DENND1B: variants seen among roughly 807,000 people sequenced by gnomAD.
The protein encoded by DENND1B is DENN domain containing 1B.
A neutral mutation model predicts 90.1 loss-of-function variants in DENND1B; 59 were observed. That is an observed-to-expected ratio of 0.65 (90% CI 0.53 to 0.81). DENND1B has a LOEUF of 0.81. Ranked by LOEUF, DENND1B falls within the 40% of genes least tolerant of loss-of-function variation. The probability of loss-of-function intolerance (pLI) is 0.00; values close to 1 mark genes in which losing one functional copy is unlikely to be tolerated. For synonymous variants in DENND1B, 337 were observed against 324.6 expected (o/e 1.04, Z -0.41); for missense variants, 862 against 912.6 (o/e 0.94, Z 0.71).
At chr1:197,641,263 C>G (rs929539711) in intron 10 of DENND1B, among the ~76,000 whole-genome samples, 6 of 151,936 alleles carry the variant, frequency 3.9e-5, no homozygotes, top group African/African-American at 1.5e-4. Context: ...TAAAAATATC[C>G]TTTTTAATCT....
chr1:197,624,117 C>T (rs1203920391), intron 10 of DENND1B, among the ~76,000 whole-genome samples: 1 of 151,518 alleles, frequency 6.6e-6, no homozygotes, highest in African/African-American at 2.4e-5. Context: ...GAATAGTCAA[C>T]ACAATTCTGA....
At chr1:197,585,503 T>C (rs189922967) in intron 14 of DENND1B, among the ~76,000 whole-genome samples, 3 of 152,336 alleles carry the variant, frequency 2.0e-5, no homozygotes, top group Admixed American at 2.0e-4. Context: ...TTAGCCTATG[T>C]GAATTAAGCT....
At chr1:197,622,624 C>G (rs1678275571) in intron 10 of DENND1B, among the ~76,000 whole-genome samples, 1 of 151,292 alleles carries the variant, frequency 6.6e-6, no homozygotes, top group Non-Finnish European at 1.5e-5. Flanking sequence ...CAAAACTTTC[C>G]TCAGGCAACA....
intron 10 of DENND1B, among the ~76,000 whole-genome samples, chr1:197,635,172 T>G (rs1679674264): frequency 6.6e-6 from 1 of 152,220 alleles, no homozygotes; most frequent in Admixed American, 6.5e-5. Flanking sequence ...AGATACACTT[T>G]CTACTCTGGC....
In DENND1B at chr1:197,622,544, G is replaced by A. The variant is rs369517648; in HGVS notation, c.673-4785C>T. ...ATTGTATAATAGAGAATGCATCTTT[G>A]GACCGGACAATCAAACAAGAGCCAT... On this transcript the variant is annotated intron_variant, in intron 10 of 22. Transcript: ENST00000620048. Among the ~76,000 whole-genome samples, 136 of 151,480 alleles carry A rather than the reference G, an allele frequency of 9.0e-4. 1 individual carries two copies. The highest frequency in any genetic ancestry group is 3.0e-3 in the African/African-American group (124 of 41,438).
intron 3 of DENND1B, among the ~76,000 whole-genome samples, chr1:197,679,225 A>G (rs1251497120): frequency 6.6e-6 from 1 of 151,906 alleles, no homozygotes; most frequent in African/African-American, 2.4e-5. Flanking sequence ...AACCTATGCA[A>G]TCACTTTAGT....
upstream of DENND1B, among the ~76,000 whole-genome samples, chr1:197,778,458 T>A (rs1160437337): frequency 1.3e-5 from 2 of 152,152 alleles, no homozygotes; most frequent in East Asian, 3.9e-4. Flanking sequence ...GTAGATTAGT[T>A]GAGGCCAGGA....
intron 2 of DENND1B, among the ~76,000 whole-genome samples, chr1:197,760,248 T>C (rs1277381750): frequency 6.6e-6 from 1 of 152,110 alleles, no homozygotes; most frequent in Non-Finnish European, 1.5e-5. Context: ...TGATGCAAGG[T>C]TTCAGGTAGA....
At chr1:197,772,805 G>C (rs1267821123) in intron 2 of DENND1B, 63 bp downstream of exon 2, 5 of 1,404,368 alleles carry the variant, frequency 3.6e-6, no homozygotes, top group African/African-American at 1.4e-5. Context: ...CTGAGGAACA[G>C]AATGAGATCT....
At chr1:197,579,419 T>A (rs1003505539) in intron 15 of DENND1B, among the ~76,000 whole-genome samples, 1 of 152,182 alleles carries the variant, frequency 6.6e-6, no homozygotes, top group Non-Finnish European at 1.5e-5. Flanking sequence ...TTGAAGGTAA[T>A]CTTTTTTCTC....
chr1:197,564,395 C>CAAAAAAAAAAAAA lies in DENND1B; in HGVS notation c.1150-11296_1150-11284dup, dbSNP rs71131780. Among the ~76,000 whole-genome samples the CAAAAAAAAAAAAA allele has an allele frequency of 7.9e-5, 5 of 63,154 alleles. 1 individual carries two copies. The highest frequency in any genetic ancestry group is 8.2e-5 in the Non-Finnish European group (3 of 36,732). 41.4% of individuals were successfully genotyped at this position (63,154 alleles called of 152,430 possible). On this transcript the variant is annotated intron_variant, in intron 15 of 22. Transcript: ENST00000620048. ...ATACTGAGGCAAGAACCTCCACCAG[C>CAAAAAAAAAAAAA]AAAAAAAAAAAAAAAAAAAAAAAAA...
chr1:197,745,421 G>A (rs1246841723), intron 2 of DENND1B, among the ~76,000 whole-genome samples: 3 of 151,980 alleles, frequency 2.0e-5, no homozygotes, highest in African/African-American at 7.2e-5. Context: ...ATGTTGTTGT[G>A]TCTCAGGGAA....
At chr1:197,734,730 C>T (rs1662476214) in intron 2 of DENND1B, 1 of 983,642 alleles carries the variant, frequency 1.0e-6, no homozygotes, top group Middle Eastern at 5.2e-4. Flanking sequence ...TTAAAGAATA[C>T]ATCATTTGTT....
chr1:197,641,064 T>A (rs1680230546), intron 10 of DENND1B, among the ~76,000 whole-genome samples: 1 of 152,250 alleles, frequency 6.6e-6, no homozygotes, highest in Non-Finnish European at 1.5e-5. Context: ...CCCTAGCTAA[T>A]AAATAATTGC....
intron 20 of DENND1B, among the ~76,000 whole-genome samples, chr1:197,518,617 G>T (rs1668563922): frequency 6.6e-6 from 1 of 151,862 alleles, no homozygotes; most frequent in African/African-American, 2.4e-5. Flanking sequence ...GACTATATAG[G>T]CTCAATCTGA....
intron 15 of DENND1B, among the ~76,000 whole-genome samples, chr1:197,565,328 G>A (rs1322039593): frequency 6.6e-6 from 1 of 151,946 alleles, no homozygotes; most frequent in Admixed American, 6.6e-5. Flanking sequence ...GTAGATCACA[G>A]CACAAAACAG....
intron 12 of DENND1B, among the ~76,000 whole-genome samples, chr1:197,609,488 C>G (rs1676992608): frequency 6.6e-6 from 1 of 150,502 alleles, no homozygotes; most frequent in Admixed American, 6.6e-5. Context: ...TGAGTTCATC[C>G]CCAAAGTCTA....
At chr1:197,516,372 A>C (rs1368194582) in intron 20 of DENND1B, among the ~76,000 whole-genome samples, 2 of 151,830 alleles carry the variant, frequency 1.3e-5, no homozygotes, top group African/African-American at 4.8e-5. Flanking sequence ...CAGGTGATAG[A>C]ATATGTCAAT....
intron 16 of DENND1B, among the ~76,000 whole-genome samples, chr1:197,551,143 T>C (rs10801614): frequency 0.8 from 121,043 of 151,600 alleles, 48,469 homozygotes; most frequent in South Asian, 0.87. Context: ...TTCTAATTAA[T>C]AGTTAGAACA....
Sources: allele counts gnomAD v4.1 joint callset (sites outside exome capture counted in the v4.1 genomes callset), GRCh38; gene constraint gnomAD v4.1.1; transcripts MANE v1.5; gene names NCBI Gene and HGNC (gene_info 2026-07-23, HGNC 2026-07-21).